The following MARCHF1 variants were observed in gnomAD, a reference collection of about 807,000 sequenced individuals.
MARCHF1 encodes the protein membrane associated ring-CH-type finger 1.
In MARCHF1, 40 loss-of-function variants were observed where a neutral mutation model predicts 54.2. The observed-to-expected ratio is 0.74, with a 90% confidence interval of 0.57 to 0.96. The LOEUF is 0.96. Among genes scored for constraint, MARCHF1 ranks in the 40% least tolerant of loss-of-function variants. MARCHF1 has a pLI of 0.00. For missense variants in MARCHF1, 586 were observed against 656.5 expected, an observed-to-expected ratio of 0.89 and a Z score of 1.17; for synonymous variants, 236 against 236.3, an observed-to-expected ratio of 1.00 and a Z score of 0.01.
chr4:163,960,814 T>TAA (rs70948681), intron 3 of MARCHF1, among the ~76,000 whole-genome samples: 184 of 134,648 alleles, frequency 1.4e-3, no homozygotes, highest in South Asian at 4.8e-3. Flanking sequence ...AAATAAAAGA[T>TAA]AAAAAAAAAA....
intron 1 of MARCHF1, among the ~76,000 whole-genome samples, chr4:164,326,785 T>C (rs1215998505): frequency 6.6e-6 from 1 of 152,200 alleles, no homozygotes; most frequent in Admixed American, 6.5e-5. Flanking sequence ...AGATAGGAGC[T>C]AAAAGTATAG....
At chr4:163,732,150 G>T (rs1365044717) in intron 4 of MARCHF1, among the ~76,000 whole-genome samples, 4 of 151,302 alleles carry the variant, frequency 2.6e-5, no homozygotes. Flanking sequence ...ATTAATATAT[G>T]ATTAGTTATT....
At chr4:163,553,503 C>G (rs1049726540) in intron 8 of MARCHF1, among the ~76,000 whole-genome samples, 2 of 152,112 alleles carry the variant, frequency 1.3e-5, no homozygotes, top group Admixed American at 6.6e-5. Flanking sequence ...TTTTTATTAA[C>G]TATGTGAACA....
intron 2 of MARCHF1, among the ~76,000 whole-genome samples, chr4:164,016,852 A>C (rs935401893): frequency 2.0e-5 from 3 of 152,184 alleles, no homozygotes; most frequent in Non-Finnish European, 2.9e-5. Flanking sequence ...ATTGTGATAG[A>C]TATCCCATTT....
intron 8 of MARCHF1, among the ~76,000 whole-genome samples, chr4:163,568,665 G>A (rs1251585195): frequency 2.0e-5 from 3 of 152,108 alleles, no homozygotes; most frequent in Admixed American, 6.6e-5. Flanking sequence ...TCATACTGAA[G>A]ATCAGTGCCA....
At chr4:163,657,600 C>G (rs1490724056) in intron 5 of MARCHF1, among the ~76,000 whole-genome samples, 1 of 152,006 alleles carries the variant, frequency 6.6e-6, no homozygotes, top group Non-Finnish European at 1.5e-5. Context: ...CTCATATAGC[C>G]AAGACAATCC....
At chr4:163,596,677 G>T (rs1740783681) in intron 7 of MARCHF1, among the ~76,000 whole-genome samples, 1 of 151,950 alleles carries the variant, frequency 6.6e-6, no homozygotes, top group South Asian at 2.1e-4. Flanking sequence ...GGAGACAGTA[G>T]TCTTGAAAAG....
intron 5 of MARCHF1, among the ~76,000 whole-genome samples, chr4:163,625,699 T>C (rs1020912546): frequency 2.6e-5 from 4 of 152,240 alleles, no homozygotes; most frequent in Non-Finnish European, 5.9e-5. Context: ...ATGAGGCTCT[T>C]TCTTTGGACT....
chr4:163,910,897 G>A (rs919714262), intron 3 of MARCHF1, among the ~76,000 whole-genome samples: 2 of 152,134 alleles, frequency 1.3e-5, no homozygotes, highest in South Asian at 4.1e-4. Flanking sequence ...CTACATGTTC[G>A]ACTCCTGACT....
intron 2 of MARCHF1, among the ~76,000 whole-genome samples, chr4:164,024,036 GA>G (rs1347853244): frequency 6.6e-6 from 1 of 151,968 alleles, no homozygotes; most frequent in Admixed American, 6.6e-5. Flanking sequence ...AAAAAATACA[GA>G]AAAAAGAATT....
intron 1 of MARCHF1, among the ~76,000 whole-genome samples, chr4:164,306,708 T>C (rs924623629): frequency 2.6e-5 from 4 of 152,162 alleles, no homozygotes; most frequent in Admixed American, 6.5e-5. Context: ...TCAGCGCACA[T>C]ACAGAAAGGT....
Position 163,612,719 on chromosome 4 carries a change from TC to T in MARCHF1, c.561del (p.Arg188GlyfsTer11). 1 of 1,535,586 alleles carries T rather than the reference TC, an allele frequency of 6.5e-7. No individual in the cohort carries two copies. Among genetic ancestry groups the T allele is most frequent in the Non-Finnish European group, 8.7e-7 (1 of 1,146,552 alleles). ...TCACACGGCTTATTATTATTTCTCC[TC>T]CTTCTTCTTGACAGTCTGAATTTAA... ...AQVKFRLSRR[R>X]RRNNNKPCEN... is the part of the protein sequence containing the mutation. On this transcript the variant is annotated frameshift_variant, in exon 7 of 10. Coordinates refer to ENST00000514618, the MANE Select transcript of MARCHF1 (RefSeq NM_001394959.1). LOFTEE classifies it high-confidence loss of function.
chr4:164,242,312 C>T (rs1330015634), intron 1 of MARCHF1, among the ~76,000 whole-genome samples: 2 of 144,578 alleles, frequency 1.4e-5, no homozygotes, highest in Non-Finnish European at 1.5e-5. Context: ...TCAAGTGGGT[C>T]CCTGACCCCT....
intron 3 of MARCHF1, among the ~76,000 whole-genome samples, chr4:163,946,098 T>C (rs901283910): frequency 2.0e-5 from 3 of 152,182 alleles, no homozygotes; most frequent in Admixed American, 6.5e-5. Context: ...CAAAAATATA[T>C]GGAAAATAAT....
intron 1 of MARCHF1, among the ~76,000 whole-genome samples, chr4:164,196,408 A>T (rs1409038828): frequency 6.7e-6 from 1 of 150,354 alleles, no homozygotes; most frequent in Non-Finnish European, 1.5e-5. Context: ...TTAATAAATA[A>T]AATCAAGTAT....
At chr4:163,801,349 C>G (rs561925858) in intron 4 of MARCHF1, among the ~76,000 whole-genome samples, 1 of 151,906 alleles carries the variant, frequency 6.6e-6, no homozygotes, top group African/African-American at 2.4e-5. Flanking sequence ...ATGCCAAGAA[C>G]AGAATGTAAT....
chr4:164,356,814 G>T (rs78108665), intron 1 of MARCHF1, among the ~76,000 whole-genome samples: 1,956 of 125,666 alleles, frequency 0.016, 63 homozygotes, highest in East Asian at 0.15. Context: ...TAACACTTTT[G>T]TCCATTGTAT....
intron 4 of MARCHF1, among the ~76,000 whole-genome samples, chr4:163,721,899 G>A (rs916495422): frequency 4.6e-5 from 7 of 151,832 alleles, no homozygotes; most frequent in Non-Finnish European, 8.8e-5. Context: ...TTTTTATTGC[G>A]CCTATTTGAT....
chr4:164,122,897 C>T (rs1280075111), intron 1 of MARCHF1, among the ~76,000 whole-genome samples: 1 of 152,034 alleles, frequency 6.6e-6, no homozygotes, highest in Non-Finnish European at 1.5e-5. Flanking sequence ...ACTATCACCA[C>T]CGTTATTCAT....
Sources: gnomAD v4.1 joint callset for allele counts (sites outside exome capture counted in the v4.1 genomes callset) on GRCh38, gnomAD v4.1.1 for gene constraint, MANE v1.5 for transcripts, NCBI Gene and HGNC (gene_info 2026-07-23, HGNC 2026-07-21) for gene names.